Variants in SLC17A6 observed in about 807,000 individuals in gnomAD.
SLC17A6 encodes the protein solute carrier family 17 member 6.
SLC17A6 carries 35 observed loss-of-function variants against 67.1 expected under a neutral mutation model. The ratio of observed to expected loss-of-function variants is 0.52; its 90% CI spans 0.40 to 0.69. The LOEUF (loss-of-function observed/expected upper bound fraction) is 0.69. Ranked by LOEUF, SLC17A6 falls within the 30% of genes least tolerant of loss-of-function variation. The pLI is 0.00. For missense variants in SLC17A6, 588 were observed against 723.9 expected (o/e 0.81, Z 2.15); for synonymous variants, 285 against 252.3 (o/e 1.13, Z -1.23).
At chr11:22,367,240 A>G (rs889358644) in intron 7 of SLC17A6, among the ~76,000 whole-genome samples, 7 of 151,868 alleles carry the variant, frequency 4.6e-5, no homozygotes, top group African/African-American at 1.5e-4. Flanking sequence ...TCTCTACTTC[A>G]TTTGTAAGAG....
chr11:22,356,986 G>A (rs1855998739), intron 3 of SLC17A6, among the ~76,000 whole-genome samples: 1 of 152,230 alleles, frequency 6.6e-6, no homozygotes, highest in Non-Finnish European at 1.5e-5. Context: ...AAGTGGCTTT[G>A]TGAAGATTAT....
intron 7 of SLC17A6, among the ~76,000 whole-genome samples, chr11:22,365,969 G>A (rs1239961238): frequency 6.6e-6 from 1 of 151,694 alleles, no homozygotes; most frequent in African/African-American, 2.4e-5. Flanking sequence ...AGTTCAATAT[G>A]GTCTATATTT....
chr11:22,360,363 C>T (rs746405104), intron 4 of SLC17A6, among the ~76,000 whole-genome samples: 8 of 151,830 alleles, frequency 5.3e-5, no homozygotes, highest in Non-Finnish European at 1.0e-4. Context: ...GGGAAAAGAG[C>T]TAATGAATGC....
chr11:22,367,969 A>G (rs913470526), intron 7 of SLC17A6, among the ~76,000 whole-genome samples: 3 of 152,216 alleles, frequency 2.0e-5, no homozygotes, highest in Admixed American at 6.5e-5. Flanking sequence ...TTTAATATAC[A>G]GCAAAGGAGA....
intron 8 of SLC17A6, among the ~76,000 whole-genome samples, chr11:22,370,711 G>A (rs1856165890): frequency 6.6e-6 from 1 of 152,118 alleles, no homozygotes; most frequent in Non-Finnish European, 1.5e-5. Context: ...TGAACACAAT[G>A]TGCAGAACTT....
chr11:22,356,615 A>C lies in SLC17A6; in HGVS notation c.459-2798A>C, dbSNP rs1347345684. The stretch of plus-strand genomic sequence containing the variant: ...TTTTGAAAGCTGAAGAGGGTGGATC[A>C]CTTGAGGTCAGGAGTTCAAGACCAG... On this transcript the variant is annotated intron_variant, in intron 3 of 11. Transcript: ENST00000263160. 2.0e-5 allele frequency among the ~76,000 whole-genome samples: 3 copies of C among 152,172 alleles called. No individual in the cohort carries two copies. The East Asian group carries it at 5.8e-4, about 29-fold the overall frequency.
chr11:22,351,652 T>C (rs560232360), intron 3 of SLC17A6, among the ~76,000 whole-genome samples: 18 of 133,118 alleles, frequency 1.4e-4, no homozygotes, highest in Admixed American at 7.2e-4. Flanking sequence ...CATTGTATTT[T>C]ACAGCTTCTT....
At chr11:22,350,419 A>G (rs1026086620) in intron 3 of SLC17A6, among the ~76,000 whole-genome samples, 4 of 152,160 alleles carry the variant, frequency 2.6e-5, no homozygotes, top group African/African-American at 9.7e-5. Flanking sequence ...AATAATCAGC[A>G]AATTTATTTG....
Position 22,377,698 on chromosome 11 carries a change from A to G in SLC17A6, c.1707A>G (p.Val569=). Residue 569 remains valine, a synonymous_variant, in exon 12 of 12, where the codon GTA becomes GTG. Transcript: ENST00000263160. ...EKKEEFVQGE[V]QDSHSYKDRV... Reference sequence around the variant, plus strand: ...AAGAGGAATTTGTACAAGGAGAAGTACAAGACTCACATAGCTATAAGGACC... The same window carrying G: ...AAGAGGAATTTGTACAAGGAGAAGTGCAAGACTCACATAGCTATAAGGACC... The G allele has an allele frequency of 6.2e-7, 1 of 1,608,288 alleles. No individual in the cohort carries two copies. The highest frequency in any genetic ancestry group is 8.5e-7 in the Non-Finnish European group (1 of 1,177,884).
intron 3 of SLC17A6, among the ~76,000 whole-genome samples, chr11:22,348,568 A>G (rs1271760526): frequency 2.0e-5 from 3 of 152,194 alleles, no homozygotes; most frequent in Admixed American, 1.3e-4. Context: ...ACACCTTGTC[A>G]GTTTGGGCTC....
At chr11:22,366,607 A>G (rs549666803) in intron 7 of SLC17A6, among the ~76,000 whole-genome samples, 206 of 152,356 alleles carry the variant, frequency 1.4e-3, no homozygotes, top group African/African-American at 4.7e-3. Flanking sequence ...GAGAGAAAAC[A>G]TAGTTCTATT....
intron 3 of SLC17A6, among the ~76,000 whole-genome samples, chr11:22,355,026 T>G (rs10500923): frequency 0.099 from 15,102 of 152,296 alleles, 815 homozygotes; most frequent in South Asian, 0.12. Flanking sequence ...CACATTAGTA[T>G]TATTATCATG....
chr11:22,352,327 C>T (rs1159927848), intron 3 of SLC17A6, among the ~76,000 whole-genome samples: 2 of 152,196 alleles, frequency 1.3e-5, no homozygotes, highest in Non-Finnish European at 2.9e-5. Context: ...TAGCCCATAG[C>T]TGTCAACCTA....
chr11:22,368,245 A>G (rs1340692636), intron 7 of SLC17A6, among the ~76,000 whole-genome samples: 2 of 152,068 alleles, frequency 1.3e-5, no homozygotes, highest in Non-Finnish European at 2.9e-5. Flanking sequence ...AATACCATCT[A>G]TATTCTAATA....
At chr11:22,355,821 T>C (rs568060613) in intron 3 of SLC17A6, among the ~76,000 whole-genome samples, 81 of 152,226 alleles carry the variant, frequency 5.3e-4, no homozygotes, top group Non-Finnish European at 8.7e-4. Context: ...TCTTCTTTTT[T>C]ATATTAATCT....
chr11:22,377,746 CTAAT>C lies in SLC17A6; in HGVS notation c.*9_*12del, dbSNP rs1564988539. 4 of 1,533,070 alleles carry C rather than the reference CTAAT, an allele frequency of 2.6e-6. No individual in the cohort carries two copies. In the Admixed American group the frequency reaches 8.7e-5, roughly 33 times the overall value. The allele number at this position is 1,533,070 out of a possible 1,614,324, so 95.0% of individuals were successfully genotyped here. On this transcript the variant is annotated 3_prime_UTR_variant, in exon 12 of 12. Transcript: ENST00000263160. ...ACCGAGTTGATTATTCATAACAAAA[CTAAT>C]TACTGGATTTATTTTTAGTGTTTGT...
At chr11:22,343,999 G>C (rs111649687) in intron 3 of SLC17A6, among the ~76,000 whole-genome samples, 2 of 152,234 alleles carry the variant, frequency 1.3e-5, no homozygotes, top group African/African-American at 4.8e-5. Context: ...CCAGTTCCCA[G>C]AAGCGCCACC....
At chr11:22,341,473 C>T in intron 1 of SLC17A6, 55 bp from the exon 2 acceptor site, 3 of 1,589,280 alleles carry the variant, frequency 1.9e-6, no homozygotes, top group East Asian at 2.2e-5. Context: ...AATGGGTCAG[C>T]ATCGGGGGTA....
rs532341179 is a variant in SLC17A6, at chr11:22,374,534, A to T, written c.1042-221A>T. ...ACTGATGCATTACGTGGCAAAAAAA[A>T]AAAAATTACCTTCTAAAGGAATCCA... On this transcript the variant is annotated intron_variant, in intron 8 of 11. Coordinates refer to ENST00000263160, the MANE Select transcript of SLC17A6 (RefSeq NM_020346.3). Among the ~76,000 whole-genome samples the T allele has an allele frequency of 5.1e-3, 772 of 152,208 alleles. 9 individuals are homozygous for T. The highest frequency in any genetic ancestry group is 0.018 in the African/African-American group (728 of 41,520).
Sources: gnomAD v4.1 joint callset for allele counts (sites outside exome capture counted in the v4.1 genomes callset) on GRCh38, gnomAD v4.1.1 for gene constraint, MANE v1.5 for transcripts, NCBI Gene and HGNC (gene_info 2026-07-23, HGNC 2026-07-21) for gene names.